The following DDX19A variants were observed in gnomAD, a reference collection of about 807,000 sequenced individuals.
The protein encoded by DDX19A is DEAD-box helicase 19A, also known as ATP-dependent RNA helicase DDX19A.
In DDX19A, 12 loss-of-function variants were observed where a neutral mutation model predicts 60.6. The ratio of observed to expected loss-of-function variants is 0.20; its 90% CI spans 0.13 to 0.32. The LOEUF (loss-of-function observed/expected upper bound fraction) is 0.32, where lower values mean the gene tolerates loss of function less well. Among genes scored for constraint, DDX19A ranks in the 10% least tolerant of loss-of-function variants. The pLI is 1.00. For missense variants in DDX19A, 337 were observed against 600.6 expected (o/e 0.56, Z 4.59); for synonymous variants, 206 against 218.2 (o/e 0.94, Z 0.49).
At chr16:70,352,341 G>T (rs1372257253) in intron 2 of DDX19A, among the ~76,000 whole-genome samples, 2 of 145,926 alleles carry the variant, frequency 1.4e-5, no homozygotes, top group Admixed American at 1.4e-4. Flanking sequence ...CTGGAGTGCA[G>T]TGGTGCAATC....
intron 4 of DDX19A, among the ~76,000 whole-genome samples, chr16:70,359,311 A>G (rs531179514): frequency 6.6e-6 from 1 of 152,306 alleles, no homozygotes; most frequent in East Asian, 1.9e-4. Context: ...TTTCTCCCAA[A>G]TGGAAGATAT....
chr16:70,351,240 C>G (rs757908427), intron 2 of DDX19A, among the ~76,000 whole-genome samples: 6 of 151,712 alleles, frequency 4.0e-5, no homozygotes, highest in Non-Finnish European at 8.8e-5. Context: ...GGGTCTCACT[C>G]TGTCGTGCAG....
intron 2 of DDX19A, among the ~76,000 whole-genome samples, chr16:70,351,535 A>T (rs986084656): frequency 4.7e-5 from 7 of 147,726 alleles, no homozygotes; most frequent in Admixed American, 1.4e-4. Flanking sequence ...ATTTATTTTT[A>T]TTTTTTTTTG....
chr16:70,356,651 C>T (rs1964196746), intron 4 of DDX19A, among the ~76,000 whole-genome samples: 1 of 151,892 alleles, frequency 6.6e-6, no homozygotes, highest in Non-Finnish European at 1.5e-5. Flanking sequence ...AGCCACCGTG[C>T]CTGGCTATTT....
At position 70,373,264 on chromosome 16, in the gene DDX19A, G is replaced by A. The variant is rs557257115; in HGVS notation, c.*1278G>A. On this transcript the variant is annotated 3_prime_UTR_variant, in exon 12 of 12. Coordinates refer to ENST00000302243, the MANE Select transcript of DDX19A (RefSeq NM_018332.5). ...TAAATAAGGATGGATAAATTGTAGC[G>A]TATGCACCATTCATTATGCTAAGAC... is the stretch of plus-strand genomic sequence containing the variant. The A allele has an allele frequency of 5.3e-5, 8 of 152,220 alleles. No homozygotes were observed. The highest frequency in any genetic ancestry group is 3.9e-4 in the East Asian group (2 of 5,186). 9.4% of individuals were successfully genotyped at this position (152,220 alleles called of 1,614,324 possible). A position where few individuals can be genotyped will look rare whatever the true frequency, so the allele number is the denominator to read the frequency against.
At chr16:70,349,606 C>T (rs1963951986) in intron 1 of DDX19A, among the ~76,000 whole-genome samples, 1 of 152,112 alleles carries the variant, frequency 6.6e-6, no homozygotes, top group African/African-American at 2.4e-5. Context: ...CACTGGAGTT[C>T]AGGAGAAGGA....
rs754936890 is a variant in DDX19A, at chr16:70,365,109, C to T, written c.582C>T (p.Ala194=). ...AATTTTACCCAGAACTGAAGCTTGC[C>T]TATGCCGTTCGAGGCAATAAATGTG... ...MGKFYPELKL[A]YAVRGNKLER... The change falls in exon 7 of 12, where the codon GCC becomes GCT. Residue 194 remains alanine, a synonymous_variant. Coordinates refer to ENST00000302243, the MANE Select transcript of DDX19A (RefSeq NM_018332.5). The T allele has an allele frequency of 8.7e-6, 14 of 1,613,758 alleles. No homozygotes were observed. In the South Asian group the frequency reaches 1.2e-4, roughly 14 times the overall value.
intron 1 of DDX19A, among the ~76,000 whole-genome samples, chr16:70,349,999 A>G (rs974426396): frequency 1.5e-4 from 23 of 152,166 alleles, no homozygotes; most frequent in Middle Eastern, 3.2e-3. Context: ...GAGATAACCA[A>G]TGAAAGTGAC....
At chr16:70,351,353 C>A (rs985912491) in intron 2 of DDX19A, among the ~76,000 whole-genome samples, 5 of 151,620 alleles carry the variant, frequency 3.3e-5, no homozygotes, top group Non-Finnish European at 7.4e-5. Context: ...CTACAGGCAT[C>A]CACCACCACA....
intron 4 of DDX19A, 44 bp downstream of exon 4, chr16:70,356,291 C>G: frequency 6.2e-7 from 1 of 1,610,082 alleles, no homozygotes; most frequent in Non-Finnish European, 8.5e-7. Flanking sequence ...GCCAGTCTCT[C>G]CCCACATAAA....
chr16:70,351,729 C>T (rs957961382), intron 2 of DDX19A, among the ~76,000 whole-genome samples: 3 of 151,544 alleles, frequency 2.0e-5, no homozygotes, highest in Admixed American at 6.6e-5. Flanking sequence ...AGGGTTTCAC[C>T]GTGTTAGCCA....
chr16:70,367,994 C>T (rs1964569219), intron 9 of DDX19A, among the ~76,000 whole-genome samples: 1 of 151,938 alleles, frequency 6.6e-6, no homozygotes, highest in African/African-American at 2.4e-5. Context: ...TGGGCAACGT[C>T]GGGAGACCCC....
chr16:70,365,773 C>T, intron 7 of DDX19A: 2 of 410,392 alleles, frequency 4.9e-6, no homozygotes, highest in Non-Finnish European at 9.1e-6. Flanking sequence ...GAGTGAGACC[C>T]TGTCTCAAAA....
intron 4 of DDX19A, among the ~76,000 whole-genome samples, chr16:70,360,280 C>CAAAAA (rs570664065): frequency 2.8e-5 from 4 of 141,052 alleles, no homozygotes; most frequent in Non-Finnish European, 6.1e-5. Context: ...GACTCCATCT[C>CAAAAA]AAAAAAAAAA....
At position 70,355,547 on chromosome 16, in the gene DDX19A, T is replaced by G. The variant is rs1964160372; in HGVS notation, c.157+12T>G. On this transcript the variant is annotated intron_variant, in intron 3 of 11. Transcript: ENST00000302243. ...TGAAGAGGAGAAAGGTAACTACTTT[T>G]GGATGCCCTTGGCAAGAGACGGTAT... The G allele has an allele frequency of 6.2e-7, 1 of 1,612,940 alleles. No individual in the cohort carries two copies. Among genetic ancestry groups the G allele is most frequent in the Non-Finnish European group, 8.5e-7 (1 of 1,179,046 alleles).
intron 10 of DDX19A, chr16:70,370,588 T>C: frequency 2.5e-6 from 2 of 810,316 alleles, no homozygotes; most frequent in South Asian, 3.3e-5. Flanking sequence ...GGCTCATGCC[T>C]GCAATCCCAA....
chr16:70,364,697 G>A (rs1256245517), intron 6 of DDX19A, 52 bp downstream of exon 6: 1 of 1,336,022 alleles, frequency 7.5e-7, no homozygotes, highest in Non-Finnish European at 1.1e-6. Flanking sequence ...GGGGAGCGCA[G>A]TGCCATCTGG....
chr16:70,361,371 C>A, intron 4 of DDX19A, 47 bp from the exon 5 acceptor site: 1 of 1,391,864 alleles, frequency 7.2e-7, no homozygotes, highest in Non-Finnish European at 1.0e-6. Flanking sequence ...GCCTCTAAAA[C>A]AATTCTAACT....
intron 1 of DDX19A, 69 bp from the exon 2 acceptor site, chr16:70,350,488 T>G (rs1352154122): frequency 1.6e-6 from 2 of 1,246,268 alleles, no homozygotes; most frequent in Admixed American, 2.2e-5. Flanking sequence ...TAGAAAGTTT[T>G]TCTTTTCTTA....
Sources: gnomAD v4.1 joint callset for allele counts (sites outside exome capture counted in the v4.1 genomes callset) on GRCh38, gnomAD v4.1.1 for gene constraint, MANE v1.5 for transcripts, NCBI Gene and HGNC (gene_info 2026-07-23, HGNC 2026-07-21) for gene names.